Variants in ZBTB38 observed in about 807,000 individuals in gnomAD.
The protein encoded by ZBTB38 is zinc finger and BTB domain-containing protein 38.
ZBTB38 carries 20 observed loss-of-function variants against 76.8 expected under a neutral mutation model. The ratio of observed to expected loss-of-function variants is 0.26; its 90% CI spans 0.18 to 0.38. The LOEUF is 0.38. Among genes scored for constraint, ZBTB38 ranks in the 10% least tolerant of loss-of-function variants. The pLI, the probability that ZBTB38 is intolerant of heterozygous loss-of-function variation, is 1.00. For synonymous variants in ZBTB38, 504 were observed against 544.2 expected, an observed-to-expected ratio of 0.93 and a Z score of 1.03; for missense variants, 1,082 against 1,482.3, an observed-to-expected ratio of 0.73 and a Z score of 4.43.
chr3:141,403,779 T>G (rs981879874), intron 4 of ZBTB38, 148 bp from the exon 5 acceptor site: 2 of 152,260 alleles, frequency 1.3e-5, no homozygotes, highest in South Asian at 4.1e-4. Context: ...AAGGTTGTTA[T>G]GAAGACAACA....
intron 4 of ZBTB38, among the ~76,000 whole-genome samples, chr3:141,391,211 C>G (rs1433152856): frequency 6.6e-6 from 1 of 152,004 alleles, no homozygotes; most frequent in Non-Finnish European, 1.5e-5. Context: ...TTATGTGGTT[C>G]TAGGGAGGAG....
At chr3:141,338,258 A>G (rs1266717668) in intron 1 of ZBTB38, among the ~76,000 whole-genome samples, 1 of 152,160 alleles carries the variant, frequency 6.6e-6, no homozygotes, top group Non-Finnish European at 1.5e-5. Context: ...TTAAAACAGA[A>G]CTGCCACTCC....
At chr3:141,324,681 A>G (rs1453031722) in intron 1 of ZBTB38, among the ~76,000 whole-genome samples, 1 of 152,236 alleles carries the variant, frequency 6.6e-6, no homozygotes, top group African/African-American at 2.4e-5. Context: ...ATTGATGAAG[A>G]AAGAAAAGAA....
intron 5 of ZBTB38, among the ~76,000 whole-genome samples, chr3:141,421,383 T>C (rs2075338724): frequency 2.0e-5 from 3 of 149,870 alleles, no homozygotes; most frequent in African/African-American, 7.3e-5. Flanking sequence ...CGCCTCAGCC[T>C]CCCAAAGTGC....
At chr3:141,414,003 G>GA (rs1207396666) in intron 5 of ZBTB38, among the ~76,000 whole-genome samples, 1 of 152,180 alleles carries the variant, frequency 6.6e-6, no homozygotes, top group Non-Finnish European at 1.5e-5. Flanking sequence ...TTGAAAACTT[G>GA]AATACTGACA....
chr3:141,361,452 G>A (rs1469979860), intron 1 of ZBTB38, among the ~76,000 whole-genome samples: 2 of 152,172 alleles, frequency 1.3e-5, no homozygotes, highest in African/African-American at 2.4e-5. Flanking sequence ...GTTTTATATA[G>A]ATAACAGAAC....
At chr3:141,372,183 T>G (rs1276709100) in intron 2 of ZBTB38, among the ~76,000 whole-genome samples, 1 of 152,224 alleles carries the variant, frequency 6.6e-6, no homozygotes, top group Non-Finnish European at 1.5e-5. Flanking sequence ...CTGCCTAGCC[T>G]CTGCCCAGTC....
At chr3:141,400,986 A>G (rs1383055219) in intron 4 of ZBTB38, among the ~76,000 whole-genome samples, 1 of 151,960 alleles carries the variant, frequency 6.6e-6, no homozygotes, top group Non-Finnish European at 1.5e-5. Context: ...GCACTTCCCA[A>G]CCCTGGTTCC....
intron 1 of ZBTB38, among the ~76,000 whole-genome samples, chr3:141,348,246 A>G (rs34655123): frequency 0.047 from 7,105 of 152,320 alleles, 224 homozygotes; most frequent in Non-Finnish European, 0.071. Context: ...TGGAAATGAT[A>G]AATCATAAGC....
intron 1 of ZBTB38, among the ~76,000 whole-genome samples, chr3:141,349,267 T>C (rs574288097): frequency 1.1e-4 from 17 of 152,330 alleles, no homozygotes; most frequent in African/African-American, 3.6e-4. Flanking sequence ...TACCAAGTAA[T>C]TATAATGCAA....
At chr3:141,360,326 C>T (rs748523697) in intron 1 of ZBTB38, among the ~76,000 whole-genome samples, 1 of 152,184 alleles carries the variant, frequency 6.6e-6, no homozygotes, top group Non-Finnish European at 1.5e-5. Context: ...CCCTGTGTGC[C>T]TTGATGCTTG....
chr3:141,361,652 G>A (rs1328955782), intron 1 of ZBTB38, among the ~76,000 whole-genome samples: 1 of 151,812 alleles, frequency 6.6e-6, no homozygotes, highest in Non-Finnish European at 1.5e-5. Flanking sequence ...TTGTGGGAAT[G>A]AGAGAAGGGG....
chr3:141,377,342 C>A (rs1945529236), intron 2 of ZBTB38, among the ~76,000 whole-genome samples: 1 of 152,220 alleles, frequency 6.6e-6, no homozygotes, highest in Non-Finnish European at 1.5e-5. Flanking sequence ...CTGAGGTCAC[C>A]CCAGCTAAGC....
chr3:141,354,470 C>T (rs536937936), intron 1 of ZBTB38, among the ~76,000 whole-genome samples: 40 of 152,234 alleles, frequency 2.6e-4, no homozygotes, highest in African/African-American at 9.6e-4. Flanking sequence ...GAGTTTCTCT[C>T]TCTTTCCCCT....
intron 2 of ZBTB38, among the ~76,000 whole-genome samples, chr3:141,371,005 C>T (rs1485851217): frequency 6.8e-6 from 1 of 147,164 alleles, no homozygotes; most frequent in Non-Finnish European, 1.5e-5. Flanking sequence ...GACCTTTAAA[C>T]CAAGTTATTA....
intron 1 of ZBTB38, among the ~76,000 whole-genome samples, chr3:141,357,539 G>C (rs1427797351): frequency 6.6e-6 from 1 of 152,182 alleles, no homozygotes; most frequent in South Asian, 2.1e-4. Flanking sequence ...TCATTTGTTT[G>C]TTTGTTTCGA....
At position 141,447,147 on chromosome 3, in the gene ZBTB38, C is replaced by CTAGT. The variant is rs1448569642; in HGVS notation, c.*1172_*1175dup. 6.6e-6 allele frequency: 1 copy of CTAGT among 152,502 alleles called. No individual in the cohort carries two copies. The highest frequency in any genetic ancestry group is 1.5e-5 in the Non-Finnish European group (1 of 68,078). The allele number at this position is 152,502 out of a possible 1,614,324, so 9.4% of individuals were successfully genotyped here. A position where few individuals can be genotyped will look rare whatever the true frequency, so the allele number is the denominator to read the frequency against. On this transcript the variant is annotated 3_prime_UTR_variant, in exon 6 of 6. Coordinates refer to ENST00000321464, the MANE Select transcript of ZBTB38 (RefSeq NM_001376113.1). ...AGATTATGCAGCCCACAAGTACAGA[C>CTAGT]TAGTATAAAGCAAAAGGACAAAGGA... is the stretch of plus-strand genomic sequence containing the variant.
chr3:141,355,671 C>G (rs1943637920), intron 1 of ZBTB38, among the ~76,000 whole-genome samples: 2 of 152,052 alleles, frequency 1.3e-5, no homozygotes, highest in Non-Finnish European at 2.9e-5. Flanking sequence ...CCCTGCCACC[C>G]TGTAAATCTC....
intron 1 of ZBTB38, among the ~76,000 whole-genome samples, chr3:141,337,016 T>C (rs1943032599): frequency 6.6e-6 from 1 of 152,228 alleles, no homozygotes; most frequent in Admixed American, 6.5e-5. Context: ...ACACATTCTC[T>C]TTGCAAACAA....
Sources: gnomAD v4.1 joint callset for allele counts (sites outside exome capture counted in the v4.1 genomes callset) on GRCh38, gnomAD v4.1.1 for gene constraint, MANE v1.5 for transcripts, NCBI Gene and HGNC (gene_info 2026-07-23, HGNC 2026-07-21) for gene names.